Variants in SLC10A2 observed in about 807,000 individuals in gnomAD.
SLC10A2 encodes the protein solute carrier family 10 member 2.
Under a neutral mutation model 27.1 loss-of-function variants are expected in SLC10A2, and 34 were observed. The observed-to-expected ratio is 1.26, with a 90% CI of 0.96 to 1.67. The LOEUF (loss-of-function observed/expected upper bound fraction) is 1.67. Ranked by LOEUF, SLC10A2 falls within the 40% of genes most tolerant of loss-of-function variation. The pLI, the probability that SLC10A2 is intolerant of heterozygous loss-of-function variation, is 0.00. For missense variants in SLC10A2, 530 were observed against 444.4 expected, an observed-to-expected ratio of 1.19 and a Z score of -1.73; for synonymous variants, 205 against 174.0, an observed-to-expected ratio of 1.18 and a Z score of -1.40.
chr13:103,047,564 T>A (rs1339341978), intron 5 of SLC10A2, among the ~76,000 whole-genome samples: 1 of 149,200 alleles, frequency 6.7e-6, no homozygotes, highest in Non-Finnish European at 1.5e-5. Flanking sequence ...CTTCCTTTTT[T>A]CCCTTTTTCT....
rs1284736540 is a variant in SLC10A2 at position 103,045,697 on chromosome 13, C to T, written c.*436G>A. ...ATGTCAATTTTTATAATCATAAACA[C>T]TGAAGAAAATCGTGACCACTGTAAT... On this transcript the variant is annotated 3_prime_UTR_variant, in exon 6 of 6. Coordinates refer to ENST00000245312, the MANE Select transcript of SLC10A2 (RefSeq NM_000452.3). The T allele has an allele frequency of 6.4e-6, 1 of 155,450 alleles. No individual in the cohort carries two copies. Among genetic ancestry groups the T allele is most frequent in the African/African-American group, 2.4e-5 (1 of 41,448 alleles). 9.6% of individuals were successfully genotyped at this position (155,450 alleles called of 1,614,324 possible).
At chr13:103,057,819 C>A (rs1875983825) in intron 2 of SLC10A2, among the ~76,000 whole-genome samples, 1 of 151,556 alleles carries the variant, frequency 6.6e-6, no homozygotes, top group African/African-American at 2.4e-5. Flanking sequence ...GTGAAATTTG[C>A]AGTGAGCCGA....
At chr13:103,055,764 A>G (rs556247260) in intron 2 of SLC10A2, among the ~76,000 whole-genome samples, 4 of 152,326 alleles carry the variant, frequency 2.6e-5, no homozygotes, top group African/African-American at 9.6e-5. Flanking sequence ...ACTTTGTGCT[A>G]GTAACTCTTT....
At position 103,052,721 on chromosome 13, in the gene SLC10A2, G is replaced by A. The variant is rs1294700059; in HGVS notation, c.497-13C>T. On this transcript the variant is annotated splice_polypyrimidine_tract_variant and intron_variant, in intron 2 of 5. Transcript: ENST00000245312. ...ACCAGAGATGTACCTAAAGATGACA[G>A]AAGGGCAATGTGATCAGCAGAACAG... 2 of 1,484,344 alleles carry A rather than the reference G, an allele frequency of 1.3e-6. No homozygotes were observed. The highest frequency in any genetic ancestry group is 1.9e-6 in the Non-Finnish European group (2 of 1,061,902). 91.9% of individuals were successfully genotyped at this position (1,484,344 alleles called of 1,614,324 possible).
chr13:103,050,392 C>T (rs1040220000), intron 4 of SLC10A2, among the ~76,000 whole-genome samples: 1 of 152,184 alleles, frequency 6.6e-6, no homozygotes, highest in Admixed American at 6.5e-5. Context: ...TGTCCCTACA[C>T]CTGTGTTCTC....
intron 2 of SLC10A2, among the ~76,000 whole-genome samples, chr13:103,056,809 G>T (rs2567774): frequency 2.0e-5 from 3 of 151,446 alleles, no homozygotes; most frequent in African/African-American, 7.3e-5. Flanking sequence ...TATATCAAAA[G>T]CCCATACTGA....
chr13:103,066,244 A>T lies in SLC10A2; in HGVS notation c.6T>A (p.Asn2Lys). 3 of 1,601,234 alleles carry T rather than the reference A, an allele frequency of 1.9e-6. No individual in the cohort carries two copies. The highest frequency in any genetic ancestry group is 2.6e-6 in the Non-Finnish European group (3 of 1,170,622). Reference protein sequence around the residue: MNDPNSCVDNAT... With the variant: MKDPNSCVDNAT... ...CATTGTCCACACAGCTGTTCGGATC[A>T]TTCATTGCTGGGTCTGCTGCTGGAA... Residue 2 changes from asparagine to lysine, a missense_variant, in exon 1 of 6, where the codon AAT becomes AAA. Physicochemically the swap from Asn to Lys is moderately conservative, Grantham distance 94. Coordinates refer to ENST00000245312, the MANE Select transcript of SLC10A2 (RefSeq NM_000452.3).
At chr13:103,046,324 A>AG in intron 5 of SLC10A2, 64 bp from the exon 6 acceptor site, 1 of 1,330,394 alleles carries the variant, frequency 7.5e-7, no homozygotes. Context: ...ATTACTTTGC[A>AG]TAGAGATTAT....
In SLC10A2 at chr13:103,049,331, A is replaced by G. The variant is rs1185917010; in HGVS notation, c.877T>C (p.Tyr293His). ...LNVVFTFPLI[Y>H]SIFQLAFAAI... is the part of the protein sequence containing the mutation. ...GCAAAGGCGAGCTGGAAAATGCTGT[A>G]GATGAGCGGGAAGGTGAATACGACA... is the stretch of plus-strand genomic sequence containing the variant. The change falls in exon 5 of 6, where the codon TAC (tyrosine) becomes CAC (histidine). Residue 293 changes from tyrosine to histidine, a missense_variant. Transcript: ENST00000245312. 6 of 1,614,028 alleles carry G rather than the reference A, an allele frequency of 3.7e-6. No homozygotes were observed. Among genetic ancestry groups the G allele is most frequent in the Non-Finnish European group, 5.1e-6 (6 of 1,179,914 alleles).
intron 1 of SLC10A2, among the ~76,000 whole-genome samples, chr13:103,060,905 A>ACG (rs1876098133): frequency 7.0e-6 from 1 of 142,002 alleles, no homozygotes; most frequent in Non-Finnish European, 1.6e-5. Context: ...ACAACAACAC[A>ACG]CTATACTAAG....
At chr13:103,054,589 G>A (rs1875887524) in intron 2 of SLC10A2, among the ~76,000 whole-genome samples, 1 of 122,646 alleles carries the variant, frequency 8.2e-6, no homozygotes, top group Admixed American at 8.2e-5. Context: ...AATCTGTTTG[G>A]CCCCTCCTGC....
At chr13:103,046,821 A>G (rs1488062952) in intron 5 of SLC10A2, among the ~76,000 whole-genome samples, 2 of 152,154 alleles carry the variant, frequency 1.3e-5, no homozygotes, top group Non-Finnish European at 2.9e-5. Context: ...TTTTAATGTC[A>G]GCTCATCAGG....
intron 1 of SLC10A2, among the ~76,000 whole-genome samples, chr13:103,060,138 G>T (rs187194788): frequency 6.6e-6 from 1 of 152,098 alleles, no homozygotes; most frequent in Non-Finnish European, 1.5e-5. Flanking sequence ...TGAGTCTTCC[G>T]GGTCCTCTTC....
At chr13:103,051,169 T>C (rs1034596438) in intron 4 of SLC10A2, 88 bp downstream of exon 4, 4 of 1,317,306 alleles carry the variant, frequency 3.0e-6, no homozygotes, top group Non-Finnish European at 4.4e-6. Flanking sequence ...CCACTCAGTT[T>C]GTGGTTCTGT....
At chr13:103,050,466 G>A (rs991736027) in intron 4 of SLC10A2, among the ~76,000 whole-genome samples, 1 of 152,208 alleles carries the variant, frequency 6.6e-6, no homozygotes, top group African/African-American at 2.4e-5. Flanking sequence ...AAATCCAGAA[G>A]TGTGAAACCC....
At position 103,065,933 on chromosome 13, in the gene SLC10A2, C is replaced by A. The variant is rs200437994; in HGVS notation, c.317G>T (p.Cys106Phe). The change falls in exon 1 of 6, where the codon TGC becomes TTC. Residue 106 changes from cysteine to phenylalanine, a missense_variant. Coordinates refer to ENST00000245312, the MANE Select transcript of SLC10A2 (RefSeq NM_000452.3). The stretch of plus-strand genomic sequence containing the variant: ...GATATTGGAGGCAGTTCCTCCAGGG[C>A]AGCATCCTATAATGAGCACCACTAC... ...QAVVVLIIGCCPGGTASNILA... is the reference protein window; with the variant it reads ...QAVVVLIIGCFPGGTASNILA... 15 of 1,614,182 alleles carry A rather than the reference C, an allele frequency of 9.3e-6. No homozygotes were observed. The highest frequency in any genetic ancestry group is 1.3e-5 in the Non-Finnish European group (15 of 1,180,018).
intron 1 of SLC10A2, among the ~76,000 whole-genome samples, chr13:103,058,616 C>A (rs1876012305): frequency 6.6e-6 from 1 of 152,136 alleles, no homozygotes; most frequent in South Asian, 2.1e-4. Context: ...TCCCACCCTC[C>A]ACCCTCTAAT....
At chr13:103,058,179 G>T in intron 2 of SLC10A2, 85 bp downstream of exon 2, 2 of 842,716 alleles carry the variant, frequency 2.4e-6, no homozygotes, top group Non-Finnish European at 2.1e-6. Flanking sequence ...TAACGGTCAG[G>T]TGTGAGCCTG....
chr13:103,060,294 A>G (rs1342552348), intron 1 of SLC10A2, among the ~76,000 whole-genome samples: 1 of 152,096 alleles, frequency 6.6e-6, no homozygotes, highest in African/African-American at 2.4e-5. Flanking sequence ...TTCCTTATCT[A>G]AAATGGCTGT....
Sources: allele counts gnomAD v4.1 joint callset (sites outside exome capture counted in the v4.1 genomes callset), GRCh38; gene constraint gnomAD v4.1.1; transcripts MANE v1.5; gene names NCBI Gene and HGNC (gene_info 2026-07-23, HGNC 2026-07-21).